The following OTUD7A variants were observed in gnomAD, a reference collection of about 807,000 sequenced individuals.
The protein encoded by OTUD7A is OTU domain-containing protein 7A.
OTUD7A carries 12 observed loss-of-function variants against 65.7 expected under a neutral mutation model. The ratio of observed to expected loss-of-function variants is 0.18; its 90% CI spans 0.12 to 0.30. The LOEUF (loss-of-function observed/expected upper bound fraction) is 0.30. Among genes scored for constraint, OTUD7A ranks in the 10% least tolerant of loss-of-function variants. OTUD7A has a pLI of 1.00. For missense variants in OTUD7A, 1,148 were observed against 1,304.8 expected (o/e 0.88, Z 1.85); for synonymous variants, 641 against 586.3 (o/e 1.09, Z -1.35).
chr15:31,615,235 A>G (rs1448250191), intron 3 of OTUD7A, among the ~76,000 whole-genome samples: 1 of 152,232 alleles, frequency 6.6e-6, no homozygotes, highest in Non-Finnish European at 1.5e-5. Context: ...TACATTGCTT[A>G]CATCTGAATC....
chr15:31,502,949 C>T (rs1461941417), intron 9 of OTUD7A, among the ~76,000 whole-genome samples: 1 of 152,196 alleles, frequency 6.6e-6, no homozygotes, highest in African/African-American at 2.4e-5. Flanking sequence ...TCGTAGAGCT[C>T]CCTGGAAGAC....
chr15:31,504,896 C>CT (rs1457493911), intron 8 of OTUD7A, among the ~76,000 whole-genome samples: 3 of 68,594 alleles, frequency 4.4e-5, no homozygotes, highest in African/African-American at 1.8e-4. Flanking sequence ...ACTCAATTTA[C>CT]CTTTTTTTTT....
chr15:31,688,250 C>G (rs1040722862), intron 1 of OTUD7A, among the ~76,000 whole-genome samples: 1 of 151,190 alleles, frequency 6.6e-6, no homozygotes, highest in African/African-American at 2.4e-5. Flanking sequence ...AAAGAGAACT[C>G]TTGTAGAAAT....
intron 4 of OTUD7A, among the ~76,000 whole-genome samples, chr15:31,559,554 G>A (rs1888618681): frequency 6.6e-6 from 1 of 152,008 alleles, no homozygotes; most frequent in African/African-American, 2.4e-5. Flanking sequence ...TCATATGCAT[G>A]CACACACTAG....
At chr15:31,549,020 C>T (rs1229406657) in intron 5 of OTUD7A, among the ~76,000 whole-genome samples, 1 of 151,738 alleles carries the variant, frequency 6.6e-6, no homozygotes, top group African/African-American at 2.4e-5. Context: ...CCTATAATTC[C>T]AGCTACTTGG....
At chr15:31,808,138 A>ACACAC (rs56773953) in intron 1 of OTUD7A, among the ~76,000 whole-genome samples, 43 of 113,592 alleles carry the variant, frequency 3.8e-4, no homozygotes, top group East Asian at 3.5e-3. Flanking sequence ...CACACACACA[A>ACACAC]ACAAATCCTC....
chr15:31,478,894 C>G lies in OTUD7A; in HGVS notation c.*4400G>C, dbSNP rs2041068200. The G allele has an allele frequency of 6.6e-6, 1 of 152,374 alleles. No individual in the cohort carries two copies. The highest frequency in any genetic ancestry group is 6.5e-5 in the Admixed American group (1 of 15,282). 9.4% of individuals were successfully genotyped at this position (152,374 alleles called of 1,614,324 possible). On this transcript the variant is annotated 3_prime_UTR_variant, in exon 13 of 13. Transcript: ENST00000307050. ...TCTCTATCGTGAACTACCCAGGACC[C>G]ACTCCCGAGTCAGTGAGGCAGCACT...
At chr15:31,628,798 A>T (rs1278221924) in intron 3 of OTUD7A, among the ~76,000 whole-genome samples, 2 of 152,146 alleles carry the variant, frequency 1.3e-5, no homozygotes, top group Non-Finnish European at 2.9e-5. Context: ...CTCCTTGAAG[A>T]GGTCCTTCAC....
chr15:31,685,367 T>C (rs1461387086), intron 1 of OTUD7A, among the ~76,000 whole-genome samples: 4 of 152,098 alleles, frequency 2.6e-5, no homozygotes, highest in Non-Finnish European at 4.4e-5. Context: ...AGTTACTGGC[T>C]GGGTGCGGTG....
intron 1 of OTUD7A, among the ~76,000 whole-genome samples, chr15:31,805,615 A>G (rs540580762): frequency 6.6e-6 from 1 of 152,328 alleles, no homozygotes; most frequent in East Asian, 1.9e-4. Flanking sequence ...GTAGTTGGCA[A>G]AATCTAAGAC....
chr15:31,719,314 A>G (rs1893674276), intron 1 of OTUD7A, among the ~76,000 whole-genome samples: 1 of 151,794 alleles, frequency 6.6e-6, no homozygotes, highest in African/African-American at 2.4e-5. Flanking sequence ...AAGAACTTGG[A>G]CATGTAATGC....
chr15:31,798,401 C>A (rs1267848176), intron 1 of OTUD7A, among the ~76,000 whole-genome samples: 1 of 152,108 alleles, frequency 6.6e-6, no homozygotes, highest in Non-Finnish European at 1.5e-5. Flanking sequence ...TGCTTGCTGT[C>A]CAGGTGTCCA....
chr15:31,580,515 G>A (rs188270946), intron 3 of OTUD7A, among the ~76,000 whole-genome samples: 32 of 152,356 alleles, frequency 2.1e-4, no homozygotes, highest in African/African-American at 7.2e-4. Flanking sequence ...ACCTGTATTA[G>A]TCTGTTCTCA....
chr15:31,665,660 G>A (rs1050198352), intron 1 of OTUD7A, among the ~76,000 whole-genome samples: 2 of 152,010 alleles, frequency 1.3e-5, no homozygotes, highest in Non-Finnish European at 2.9e-5. Flanking sequence ...TATTTCTCTC[G>A]TCTGATTGCT....
intron 3 of OTUD7A, among the ~76,000 whole-genome samples, chr15:31,630,344 G>T (rs1351528318): frequency 2.4e-4 from 35 of 147,226 alleles, no homozygotes; most frequent in African/African-American, 3.0e-4. Context: ...TTCATTTCGT[G>T]ATGTACCCAG....
intron 1 of OTUD7A, among the ~76,000 whole-genome samples, chr15:31,802,131 G>GTATATATATA (rs1286066693): frequency 5.3e-5 from 7 of 131,208 alleles, no homozygotes; most frequent in African/African-American, 2.0e-4. Context: ...GTGTGTGTGT[G>GTATATATATA]TGTGTGTGTG....
chr15:31,626,535 GAAAAATCCAT>G (rs1890957787), intron 3 of OTUD7A, among the ~76,000 whole-genome samples: 1 of 152,126 alleles, frequency 6.6e-6, no homozygotes, highest in African/African-American at 2.4e-5. Context: ...GGAGGAGCTA[GAAAAATCCAT>G]TTGGACAATG....
At chr15:31,780,227 C>G (rs967959858) in intron 1 of OTUD7A, among the ~76,000 whole-genome samples, 10 of 152,182 alleles carry the variant, frequency 6.6e-5, no homozygotes, top group Non-Finnish European at 1.5e-4. Flanking sequence ...GTTTTCTTCA[C>G]TTCCAGTAAC....
intron 1 of OTUD7A, among the ~76,000 whole-genome samples, chr15:31,780,200 T>C (rs560177097): frequency 6.6e-6 from 1 of 152,170 alleles, no homozygotes; most frequent in African/African-American, 2.4e-5. Flanking sequence ...TTCACTCACA[T>C]CAAGAGATTT....
Sources: gnomAD v4.1 joint callset for allele counts (sites outside exome capture counted in the v4.1 genomes callset) on GRCh38, gnomAD v4.1.1 for gene constraint, MANE v1.5 for transcripts, NCBI Gene and HGNC (gene_info 2026-07-23, HGNC 2026-07-21) for gene names.